The following TOX2 variants were observed in gnomAD, a reference collection of about 807,000 sequenced individuals.
TOX2 encodes the protein granulosa cell HMG box 1.
Under a neutral mutation model 47.4 loss-of-function variants are expected in TOX2, and 15 were observed. That is an observed-to-expected ratio of 0.32 (90% CI 0.21 to 0.49). The LOEUF (loss-of-function observed/expected upper bound fraction) is 0.49. TOX2 is among the 20% of genes least tolerant of loss of function. The probability of loss-of-function intolerance (pLI) is 0.99; values close to 1 mark genes in which losing one functional copy is unlikely to be tolerated. For missense variants in TOX2, 622 were observed against 673.1 expected (o/e 0.92, Z 0.84); for synonymous variants, 290 against 296.6 (o/e 0.98, Z 0.23).
intron 3 of TOX2, among the ~76,000 whole-genome samples, chr20:44,030,568 G>A (rs1271632259): frequency 6.6e-6 from 1 of 152,102 alleles, no homozygotes; most frequent in Non-Finnish European, 1.5e-5. Context: ...CCAAATCAGG[G>A]CCTTTCCTGA....
intron 1 of TOX2, chr20:43,945,890 T>C: frequency 3.7e-6 from 6 of 1,609,660 alleles, no homozygotes; most frequent in Non-Finnish European, 5.1e-6. Context: ...TTTCTGGCAT[T>C]TTTTCCTCTT....
chr20:44,034,942 C>T (rs2071216417), intron 3 of TOX2, among the ~76,000 whole-genome samples: 1 of 152,266 alleles, frequency 6.6e-6, no homozygotes, highest in Admixed American at 6.5e-5. Flanking sequence ...CCTTCTATGT[C>T]TCCACCTCAG....
At chr20:44,029,059 C>T (rs1001521391) in intron 3 of TOX2, among the ~76,000 whole-genome samples, 3 of 152,180 alleles carry the variant, frequency 2.0e-5, no homozygotes, top group African/African-American at 2.4e-5. Context: ...CCCCAAGCTT[C>T]GTCCCTTCCT....
intron 1 of TOX2, among the ~76,000 whole-genome samples, chr20:43,951,707 G>GTTTGTTTTTTTTTTTTTTTTTTTTTTTT (rs2069571364): frequency 1.8e-5 from 1 of 55,098 alleles, no homozygotes; most frequent in Non-Finnish European, 3.9e-5. Context: ...AACTTATTAT[G>GTTTGTTTTTTTTTTTTTTTTTTTTTTTT]TTTTTTTTTT....
chr20:44,011,517 A>G (rs1485851913), intron 3 of TOX2, among the ~76,000 whole-genome samples: 2 of 152,204 alleles, frequency 1.3e-5, no homozygotes, highest in East Asian at 3.8e-4. Context: ...AGTAGATTCT[A>G]TAAGTACTTT....
intron 3 of TOX2, among the ~76,000 whole-genome samples, chr20:44,022,941 C>CAGCCTGT (rs2070998336): frequency 6.6e-6 from 1 of 150,552 alleles, no homozygotes; most frequent in Non-Finnish European, 1.5e-5. Flanking sequence ...TTGGAGTCTA[C>CAGCCTGT]CAAGAAACAG....
intron 6 of TOX2, 91 bp from the exon 7 acceptor site, chr20:44,065,621 T>C (rs1244806923): frequency 6.9e-7 from 1 of 1,441,160 alleles, no homozygotes; most frequent in Non-Finnish European, 9.4e-7. Context: ...AGCAGCCGTG[T>C]CAGTGGGTTG....
rs1406255479 is a variant in TOX2 at position 44,065,831 on chromosome 20, C to A, written c.1080C>A (p.Asp360Glu). 1.2e-6 allele frequency: 2 copies of A among 1,613,780 alleles called. No individual in the cohort carries two copies. Among genetic ancestry groups the A allele is most frequent in the Admixed American group, 1.7e-5 (1 of 60,004 alleles). Reference protein sequence around the residue: ...PGLASFLTPSDLQAFRSGASP... With the variant: ...PGLASFLTPSELQAFRSGASP... ...TGGCCTCCTTCCTGACGCCGTCGGACCTGCAGGCCTTCCGCAGTGGGGCCT... is the reference window on the plus strand; with the variant it reads ...TGGCCTCCTTCCTGACGCCGTCGGAACTGCAGGCCTTCCGCAGTGGGGCCT... The change falls in exon 7 of 9, where the codon GAC becomes GAA. Residue 360 changes from aspartate to glutamate, a missense_variant. By Grantham distance (45) the Asp-to-Glu change is conservative. Coordinates refer to ENST00000341197, the MANE Select transcript of TOX2 (RefSeq NM_001098797.2).
At chr20:43,976,148 G>A (rs2070074191) in intron 2 of TOX2, among the ~76,000 whole-genome samples, 2 of 152,194 alleles carry the variant, frequency 1.3e-5, no homozygotes, top group Admixed American at 1.3e-4. Flanking sequence ...AGTTTTTCCT[G>A]CATAACAAAC....
chr20:44,009,326 TAAAAG>T (rs2070742277), intron 3 of TOX2, among the ~76,000 whole-genome samples: 1 of 152,028 alleles, frequency 6.6e-6, no homozygotes, highest in Non-Finnish European at 1.5e-5. Context: ...AGGTGGGAAA[TAAAAG>T]GAGACAAGAA....
intron 1 of TOX2, among the ~76,000 whole-genome samples, chr20:43,969,326 C>A (rs2145459459): frequency 6.6e-6 from 1 of 152,274 alleles, no homozygotes; most frequent in African/African-American, 2.4e-5. Context: ...CATCATATAC[C>A]TTTGTGTTCA....
intron 1 of TOX2, among the ~76,000 whole-genome samples, chr20:43,927,810 A>ACAGC (rs1025027593): frequency 7.8e-6 from 1 of 128,710 alleles, no homozygotes; most frequent in African/African-American, 3.2e-5. Context: ...CCTCCTTCAT[A>ACAGC]CAGCCATCCA....
chr20:43,942,986 C>T (rs569556345), intron 1 of TOX2, among the ~76,000 whole-genome samples: 5 of 152,310 alleles, frequency 3.3e-5, no homozygotes, highest in Admixed American at 3.3e-4. Context: ...GATGGGACCC[C>T]CTCCAACCCA....
chr20:44,002,873 T>C (rs2070608647), intron 2 of TOX2, among the ~76,000 whole-genome samples: 1 of 152,196 alleles, frequency 6.6e-6, no homozygotes, highest in South Asian at 2.1e-4. Flanking sequence ...AAGCCACTAC[T>C]GAAAGATCTG....
intron 2 of TOX2, among the ~76,000 whole-genome samples, chr20:43,982,004 G>A (rs2070177915): frequency 6.6e-6 from 1 of 151,980 alleles, no homozygotes. Context: ...CAGGAGAGAG[G>A]GTGAAGCTCT....
In TOX2 at chr20:44,037,729, T is replaced by C. The variant is rs185715265; in HGVS notation, c.412-13577T>C. 1.0e-4 allele frequency among the ~76,000 whole-genome samples: 15 copies of C among 146,916 alleles called. No individual in the cohort carries two copies. In the Admixed American group the frequency reaches 1.0e-3, roughly 10 times the overall value. On this transcript the variant is annotated intron_variant, in intron 3 of 8. Coordinates refer to ENST00000341197, the MANE Select transcript of TOX2 (RefSeq NM_001098797.2). ...ATCATTTTCTATAAAACAAAGACGT[T>C]GGGATCTATTGGAAAGTGCTACTCT... is the stretch of plus-strand genomic sequence containing the variant.
chr20:44,044,079 A>G (rs1435373368), intron 3 of TOX2, among the ~76,000 whole-genome samples: 1 of 152,044 alleles, frequency 6.6e-6, no homozygotes, highest in East Asian at 1.9e-4. Flanking sequence ...CATATACACC[A>G]TGGAATACTA....
At chr20:44,035,259 C>G (rs1169829698) in intron 3 of TOX2, among the ~76,000 whole-genome samples, 2 of 152,242 alleles carry the variant, frequency 1.3e-5, no homozygotes, top group African/African-American at 4.8e-5. Context: ...AGAGCCTTCC[C>G]CTACTCTGGC....
At chr20:43,973,468 G>C in intron 2 of TOX2, 36 bp downstream of exon 2, 1 of 1,607,176 alleles carries the variant, frequency 6.2e-7, no homozygotes, top group Non-Finnish European at 8.5e-7. Context: ...GGTGTCTTAA[G>C]ATTTGGGCTG....
Sources: gnomAD v4.1 joint callset for allele counts (sites outside exome capture counted in the v4.1 genomes callset) on GRCh38, gnomAD v4.1.1 for gene constraint, MANE v1.5 for transcripts, NCBI Gene and HGNC (gene_info 2026-07-23, HGNC 2026-07-21) for gene names.